ARSG: variants seen among roughly 807,000 people sequenced by gnomAD.
ARSG encodes the protein ASG.
A neutral mutation model predicts 50.5 loss-of-function variants in ARSG; 37 were observed. That is an observed-to-expected ratio of 0.73 (90% CI 0.56 to 0.96). The LOEUF is 0.96. Among genes scored for constraint, ARSG ranks in the 50% least tolerant of loss-of-function variants. The pLI is 0.00. For missense variants in ARSG, 629 were observed against 675.3 expected (o/e 0.93, Z 0.76); for synonymous variants, 225 against 254.6 (o/e 0.88, Z 1.11).
chr17:68,276,536 C>T (rs2075527339), intron 1 of ARSG, among the ~76,000 whole-genome samples: 1 of 152,046 alleles, frequency 6.6e-6, no homozygotes, highest in African/African-American at 2.4e-5. Flanking sequence ...GCAGCCTTGA[C>T]CTCCCAGGCT....
chr17:68,362,764 G>C (rs2079355813), intron 6 of ARSG, among the ~76,000 whole-genome samples: 1 of 152,162 alleles, frequency 6.6e-6, no homozygotes, highest in Non-Finnish European at 1.5e-5. Context: ...TGGATTTTCA[G>C]ATTTGGGATG....
At chr17:68,339,401 A>G (rs2078171901) in intron 2 of ARSG, among the ~76,000 whole-genome samples, 1 of 152,268 alleles carries the variant, frequency 6.6e-6, no homozygotes, top group Non-Finnish European at 1.5e-5. Context: ...AAAATGAACA[A>G]AAATTCCCTG....
intron 11 of ARSG, among the ~76,000 whole-genome samples, chr17:68,412,912 C>T (rs1268441274): frequency 8.2e-4 from 124 of 152,022 alleles, no homozygotes; most frequent in Admixed American, 1.4e-3. Flanking sequence ...GTTGATCGCA[C>T]CGGCTCCTGA....
the ARSG span, among the ~76,000 whole-genome samples, chr17:68,437,016 A>ATGTGTGTGTGTGTGTGTGTGTGTGTGTG: frequency 6.2e-5 from 9 of 144,662 alleles, no homozygotes; most frequent in East Asian, 8.0e-4. Flanking sequence ...ATATATATAT[A>ATGTGTGTGTGTGTGTGTGTGTGTGTGTG]TGTGTGTGTG....
At chr17:68,369,547 A>G (rs532905079) in intron 7 of ARSG, among the ~76,000 whole-genome samples, 2 of 152,176 alleles carry the variant, frequency 1.3e-5, no homozygotes, top group South Asian at 4.2e-4. Flanking sequence ...CTCAAAAAAA[A>G]AAAAGCACTG....
chr17:68,414,525 A>C (rs1234721968), intron 11 of ARSG, among the ~76,000 whole-genome samples: 2 of 152,136 alleles, frequency 1.3e-5, no homozygotes, highest in African/African-American at 4.8e-5. Flanking sequence ...TTGTAGTATT[A>C]GGGTGATTCT....
the ARSG span, among the ~76,000 whole-genome samples, chr17:68,437,010 A>ATGTGTTTG: frequency 1.3e-5 from 1 of 77,910 alleles, no homozygotes; most frequent in Non-Finnish European, 2.7e-5. Context: ...AAAAAAATAT[A>ATGTGTTTG]TATATATGTG....
intron 6 of ARSG, among the ~76,000 whole-genome samples, chr17:68,360,384 C>T (rs2079226021): frequency 6.6e-6 from 1 of 152,174 alleles, no homozygotes; most frequent in Non-Finnish European, 1.5e-5. Context: ...CCCTCCCCCA[C>T]CTTGGACCTG....
rs869049629 is a variant in ARSG, at chr17:68,331,233, G to GTTTCTTTCTTTCTTTC, written c.219-12355_219-12340dup. On this transcript the variant is annotated intron_variant, in intron 2 of 11. Transcript: ENST00000621439. ...TCTTTCTTTCTTTCTTTCTTTCTTT[G>GTTTCTTTCTTTCTTTC]TTTCTTTCTTTCTTTCTTTCTTTCT... Among the ~76,000 whole-genome samples, 197 of 85,042 alleles carry GTTTCTTTCTTTCTTTC rather than the reference G, an allele frequency of 2.3e-3. 3 individuals carry two copies. The highest frequency in any genetic ancestry group is 9.8e-3 in the African/African-American group (185 of 18,788). The allele number at this position is 85,042 out of a possible 152,430, so 55.8% of individuals were successfully genotyped here.
chr17:68,426,819 G>A (rs1440173552), downstream of ARSG, among the ~76,000 whole-genome samples: 1 of 152,214 alleles, frequency 6.6e-6, no homozygotes, highest in Non-Finnish European at 1.5e-5. Flanking sequence ...ACAGGTGTGA[G>A]CCAATGTGCC....
intron 2 of ARSG, among the ~76,000 whole-genome samples, chr17:68,333,741 G>A (rs1181453566): frequency 1.3e-5 from 2 of 152,080 alleles, no homozygotes; most frequent in Non-Finnish European, 2.9e-5. Flanking sequence ...TTGTGCTTCA[G>A]TCTCAGGAGG....
chr17:68,335,631 T>C (rs1430153940), intron 2 of ARSG, among the ~76,000 whole-genome samples: 1 of 151,816 alleles, frequency 6.6e-6, no homozygotes, highest in Non-Finnish European at 1.5e-5. Flanking sequence ...TGTGCGGGTA[T>C]TGGGGCGTGG....
chr17:68,388,605 C>T, intron 9 of ARSG, among the ~76,000 whole-genome samples: 1 of 151,884 alleles, frequency 6.6e-6, no homozygotes, highest in Non-Finnish European at 1.5e-5. Context: ...ACCAGAATGG[C>T]AAAAAGGACT....
At chr17:68,351,817 C>A in intron 5 of ARSG, 131 bp downstream of exon 5, 1 of 652,176 alleles carries the variant, frequency 1.5e-6, no homozygotes, top group South Asian at 1.7e-5. Flanking sequence ...ACGGTACATT[C>A]TGTGCAAATT....
intron 1 of ARSG, among the ~76,000 whole-genome samples, chr17:68,299,456 G>C (rs780283257): frequency 6.6e-6 from 1 of 151,858 alleles, no homozygotes; most frequent in Non-Finnish European, 1.5e-5. Flanking sequence ...AACATGACAA[G>C]GGGAAAGATA....
chr17:68,317,641 G>A (rs183301985), intron 2 of ARSG, among the ~76,000 whole-genome samples: 13 of 152,232 alleles, frequency 8.5e-5, no homozygotes, highest in Non-Finnish European at 1.2e-4. Flanking sequence ...CTATTTTGCC[G>A]TTGACCTTGT....
chr17:68,265,221 C>T (rs1459261310), intron 1 of ARSG, among the ~76,000 whole-genome samples: 11 of 148,378 alleles, frequency 7.4e-5, no homozygotes, highest in African/African-American at 2.7e-4. Flanking sequence ...ATGTCGGGCA[C>T]GGTGACTCAT....
intron 1 of ARSG, among the ~76,000 whole-genome samples, chr17:68,281,830 C>A (rs886612109): frequency 6.6e-6 from 1 of 151,946 alleles, no homozygotes; most frequent in Non-Finnish European, 1.5e-5. Flanking sequence ...TAAACTAGTA[C>A]GGCCAATAAG....
chr17:68,355,254 AAG>A, intron 5 of ARSG, among the ~76,000 whole-genome samples: 1 of 152,222 alleles, frequency 6.6e-6, no homozygotes, highest in African/African-American at 2.4e-5. Flanking sequence ...CTGGGAGCTT[AAG>A]TAACTTGCCA....
Sources: gnomAD v4.1 joint callset for allele counts (sites outside exome capture counted in the v4.1 genomes callset) on GRCh38, gnomAD v4.1.1 for gene constraint, MANE v1.5 for transcripts, NCBI Gene and HGNC (gene_info 2026-07-23, HGNC 2026-07-21) for gene names.